NRXN1: variants seen among roughly 807,000 people sequenced by gnomAD.
The protein encoded by NRXN1 is neurexin 1, also known as neurexin-1.
In NRXN1, 39 loss-of-function variants were observed where a neutral mutation model predicts 150.9. That is an observed-to-expected ratio of 0.26 (90% CI 0.20 to 0.34). The LOEUF (loss-of-function observed/expected upper bound fraction) is 0.34, where lower values mean the gene tolerates loss of function less well. NRXN1 is among the 10% of genes least tolerant of loss of function. NRXN1 has a pLI of 1.00. For missense variants in NRXN1, 1,815 were observed against 1,949.9 expected (o/e 0.93, Z 1.30); for synonymous variants, 924 against 757.0 (o/e 1.22, Z -3.62).
intron 5 of NRXN1, among the ~76,000 whole-genome samples, chr2:50,759,331 C>CA: frequency 6.6e-6 from 1 of 151,862 alleles, no homozygotes. Flanking sequence ...GAACTGAACT[C>CA]AGAGACTTCC....
chr2:49,990,210 A>G (rs776629329), intron 21 of NRXN1, among the ~76,000 whole-genome samples: 1 of 152,138 alleles, frequency 6.6e-6, no homozygotes, highest in Non-Finnish European at 1.5e-5. Flanking sequence ...GAAGGAGCCA[A>G]CATATGACTA....
chr2:50,449,528 A>T (rs1388040005), intron 17 of NRXN1, among the ~76,000 whole-genome samples: 1 of 152,146 alleles, frequency 6.6e-6, no homozygotes, highest in African/African-American at 2.4e-5. Flanking sequence ...ATTCAGAGTC[A>T]GTAGGTGTGT....
chr2:50,726,352 T>C (rs573028096), intron 5 of NRXN1, among the ~76,000 whole-genome samples: 4 of 152,294 alleles, frequency 2.6e-5, no homozygotes, highest in East Asian at 1.9e-4. Flanking sequence ...ATGGAAATAA[T>C]AGTAATAACC....
At chr2:50,814,445 C>CT (rs1668645369) in intron 5 of NRXN1, among the ~76,000 whole-genome samples, 1 of 152,054 alleles carries the variant, frequency 6.6e-6, no homozygotes, top group East Asian at 1.9e-4. Context: ...AGAGTCATTG[C>CT]TTTTTTATTC....
intron 5 of NRXN1, among the ~76,000 whole-genome samples, chr2:50,731,730 A>G (rs1698134622): frequency 6.6e-6 from 1 of 152,250 alleles, no homozygotes. Flanking sequence ...TGACTGTGCA[A>G]CAAAATTAGA....
At position 50,505,735 on chromosome 2, in the gene NRXN1, C is replaced by A. The variant is rs527683642; in HGVS notation, c.2497+760G>T. 1.2e-4 allele frequency among the ~76,000 whole-genome samples: 18 copies of A among 152,254 alleles called. No individual in the cohort carries two copies. In the South Asian group the frequency reaches 2.9e-3, roughly 25 times the overall value. ...ACTGTTCTCTGGGCATGGGGACCTC[C>A]TTCGAATTGAATGAACAGACACGTA... On this transcript the variant is annotated intron_variant, in intron 13 of 22. Transcript: ENST00000401669.
chr2:50,414,865 G>A (rs2083430771), intron 17 of NRXN1, among the ~76,000 whole-genome samples: 1 of 151,962 alleles, frequency 6.6e-6, no homozygotes, highest in Non-Finnish European at 1.5e-5. Context: ...AATTGAGAAG[G>A]GAGACTATGT....
At chr2:50,516,336 T>C (rs1029430474) in intron 12 of NRXN1, among the ~76,000 whole-genome samples, 3 of 152,164 alleles carry the variant, frequency 2.0e-5, no homozygotes, top group Admixed American at 2.0e-4. Context: ...GCATAAGTTG[T>C]ATGCTGTTGA....
intron 18 of NRXN1, among the ~76,000 whole-genome samples, chr2:50,095,917 C>T (rs1421714774): frequency 1.3e-5 from 2 of 148,410 alleles, no homozygotes; most frequent in African/African-American, 5.0e-5. Context: ...GGTGTATCTC[C>T]TAACGCTATC....
At chr2:49,933,333 G>A (rs747372150) in intron 22 of NRXN1, among the ~76,000 whole-genome samples, 5 of 151,974 alleles carry the variant, frequency 3.3e-5, no homozygotes, top group Non-Finnish European at 7.4e-5. Context: ...TGATCCGCCC[G>A]CCTCGGCCTC....
intron 21 of NRXN1, among the ~76,000 whole-genome samples, chr2:50,016,031 C>T (rs1398663647): frequency 6.6e-6 from 1 of 152,062 alleles, no homozygotes. Flanking sequence ...CAGTTTAGTT[C>T]TCTTTGCCTC....
intron 17 of NRXN1, among the ~76,000 whole-genome samples, chr2:50,389,433 T>C (rs2081543143): frequency 6.6e-6 from 1 of 151,712 alleles, no homozygotes; most frequent in African/African-American, 2.4e-5. Flanking sequence ...CCAATAAACT[T>C]AGATTTATTG....
intron 12 of NRXN1, among the ~76,000 whole-genome samples, chr2:50,509,777 C>T (rs1361977151): frequency 6.6e-6 from 1 of 152,152 alleles, no homozygotes; most frequent in Non-Finnish European, 1.5e-5. Flanking sequence ...GTTGTGCCAA[C>T]GTCTTTCTCC....
rs1328284839 is a variant in NRXN1 at position 50,727,437 on chromosome 2, T to C, written c.833-103822A>G. Among the ~76,000 whole-genome samples the C allele has an allele frequency of 8.1e-5, 6 of 73,704 alleles. No individual in the cohort carries two copies. In the East Asian group the frequency reaches 2.3e-3, roughly 29 times the overall value. 48.4% of individuals were successfully genotyped at this position (73,704 alleles called of 152,430 possible). On this transcript the variant is annotated intron_variant, in intron 5 of 22. Transcript: ENST00000401669. The stretch of plus-strand genomic sequence containing the variant: ...TGCTAGTCTATCAACAGTTATAAAA[T>C]GCATCATTACACACACACACACCTA...
intron 2 of NRXN1, among the ~76,000 whole-genome samples, chr2:50,966,905 T>C (rs896518622): frequency 2.6e-5 from 4 of 151,934 alleles, no homozygotes; most frequent in African/African-American, 9.7e-5. Context: ...TCCAAAATCA[T>C]AGAACTCACT....
At chr2:50,598,491 G>T (rs1046921073) in intron 8 of NRXN1, among the ~76,000 whole-genome samples, 25 of 150,860 alleles carry the variant, frequency 1.7e-4, no homozygotes, top group African/African-American at 5.1e-4. Flanking sequence ...TGTGTAAAAT[G>T]CCCCAAAGCC....
rs1272366175 is a variant in NRXN1, at chr2:50,115,211, T to TGTA, written c.3547-23718_3547-23717insTAC. Among the ~76,000 whole-genome samples the TGTA allele has an allele frequency of 6.2e-3, 640 of 102,898 alleles. 3 individuals carry two copies. The highest frequency in any genetic ancestry group is 0.011 in the Non-Finnish European group (525 of 49,088). The allele number at this position is 102,898 out of a possible 152,430, so 67.5% of individuals were successfully genotyped here. On this transcript the variant is annotated intron_variant, in intron 18 of 22. Transcript: ENST00000401669. ...AAACTTACAAAAAAACATATATATG[T>TGTA]TATGTGTATATATATATATATATAT...
intron 5 of NRXN1, among the ~76,000 whole-genome samples, chr2:50,827,555 A>G (rs1318594320): frequency 6.6e-6 from 1 of 152,226 alleles, no homozygotes; most frequent in Non-Finnish European, 1.5e-5. Flanking sequence ...CAAATGTCAC[A>G]ATAGCAATAA....
intron 5 of NRXN1, among the ~76,000 whole-genome samples, chr2:50,745,034 C>T (rs992604791): frequency 2.0e-5 from 3 of 152,218 alleles, no homozygotes; most frequent in Non-Finnish European, 2.9e-5. Context: ...GAGCATGCGG[C>T]TGGAAGGCAT....
Sources: allele counts gnomAD v4.1 joint callset (sites outside exome capture counted in the v4.1 genomes callset), GRCh38; gene constraint gnomAD v4.1.1; transcripts MANE v1.5; gene names NCBI Gene and HGNC (gene_info 2026-07-23, HGNC 2026-07-21).